CRB1: variants seen among roughly 807,000 people sequenced by gnomAD.
CRB1 encodes the protein protein crumbs homolog 1.
Under a neutral mutation model 120.0 loss-of-function variants are expected in CRB1, and 83 were observed. That is an observed-to-expected ratio of 0.69 (90% CI 0.58 to 0.83). CRB1 has a LOEUF of 0.83. Ranked by LOEUF, CRB1 falls within the 40% of genes least tolerant of loss-of-function variation. CRB1 has a pLI of 0.00. For missense variants in CRB1, 1,699 were observed against 1,687.6 expected, an observed-to-expected ratio of 1.01 and a Z score of -0.12; for synonymous variants, 625 against 612.5, an observed-to-expected ratio of 1.02 and a Z score of -0.30.
At chr1:197,350,858 G>T (rs1660054267) in intron 4 of CRB1, among the ~76,000 whole-genome samples, 1 of 152,146 alleles carries the variant, frequency 6.6e-6, no homozygotes, top group African/African-American at 2.4e-5. Context: ...ACAGGATGGA[G>T]CTGTTTCAGA....
the CRB1 span, among the ~76,000 whole-genome samples, chr1:197,217,545 G>A: frequency 1.3e-5 from 2 of 152,178 alleles, no homozygotes; most frequent in Non-Finnish European, 2.9e-5. Flanking sequence ...TTGGAAACAT[G>A]CTAAGAGAAA....
At chr1:197,416,471 G>T (rs571066041) in intron 5 of CRB1, among the ~76,000 whole-genome samples, 1 of 151,964 alleles carries the variant, frequency 6.6e-6, no homozygotes, top group Non-Finnish European at 1.5e-5. Context: ...ATACATTCAG[G>T]CTAGGTCTAC....
At chr1:197,371,079 T>C (rs1339309054) in intron 5 of CRB1, among the ~76,000 whole-genome samples, 1 of 152,210 alleles carries the variant, frequency 6.6e-6, no homozygotes, top group African/African-American at 2.4e-5. Flanking sequence ...ACTTTTTCCG[T>C]TGAGCCTAGT....
At chr1:197,369,529 G>T (rs936844385) in intron 5 of CRB1, among the ~76,000 whole-genome samples, 2 of 151,418 alleles carry the variant, frequency 1.3e-5, no homozygotes, top group Non-Finnish European at 2.9e-5. Context: ...ACCTGCCATT[G>T]GCAAAAAAAA....
the CRB1 span, among the ~76,000 whole-genome samples, chr1:197,260,992 G>T: frequency 2.0e-5 from 3 of 152,144 alleles, no homozygotes; most frequent in Non-Finnish European, 2.9e-5. Context: ...ACCGCGCCCG[G>T]CCTCTAAATA....
chr1:197,266,655 A>G (rs528366960), upstream of CRB1, among the ~76,000 whole-genome samples: 5 of 152,044 alleles, frequency 3.3e-5, no homozygotes, highest in East Asian at 9.7e-4. Flanking sequence ...TTATATTCAA[A>G]CCCCATGTAT....
chr1:197,421,178 T>C lies in CRB1; in HGVS notation c.1350T>C (p.Cys450=), dbSNP rs1199282651. The change falls in exon 6 of 12, where the codon TGT becomes TGC. Residue 450 remains cysteine, a synonymous_variant. Transcript: ENST00000367400. Reference sequence around the variant, plus strand: ...TCCTGGGCTGTACCCATCAGCAATGTCTAAATAATGGAACATGCATCCCTC... The same window carrying C: ...TCCTGGGCTGTACCCATCAGCAATGCCTAAATAATGGAACATGCATCCCTC... ...DILLGCTHQQ[C]LNNGTCIPHF... 1.8e-5 allele frequency: 29 copies of C among 1,614,032 alleles called. No individual in the cohort carries two copies. The highest frequency in any genetic ancestry group is 2.4e-5 in the Non-Finnish European group (28 of 1,180,030).
chr1:197,361,880 GT>G (rs1660788324), intron 5 of CRB1, among the ~76,000 whole-genome samples: 1 of 151,302 alleles, frequency 6.6e-6, no homozygotes, highest in Non-Finnish European at 1.5e-5. Context: ...TTTATTTTCT[GT>G]TTTTTAAATT....
intron 1 of CRB1, among the ~76,000 whole-genome samples, chr1:197,295,974 A>T (rs958816187): frequency 6.1e-5 from 5 of 81,532 alleles, no homozygotes; most frequent in South Asian, 4.2e-4. Flanking sequence ...TCTAAGATTT[A>T]AAAAAAAATT....
chr1:197,430,821 T>C (rs931461955), intron 8 of CRB1, among the ~76,000 whole-genome samples: 1 of 152,142 alleles, frequency 6.6e-6, no homozygotes, highest in African/African-American at 2.4e-5. Flanking sequence ...ATTTGTAAAA[T>C]AAATAAATTG....
At position 197,344,260 on chromosome 1, in the gene CRB1, CT is replaced by C; in HGVS notation, c.653-20del. 6.2e-7 allele frequency: 1 copy of C among 1,612,912 alleles called. No homozygotes were observed. Among genetic ancestry groups the C allele is most frequent in the Non-Finnish European group, 8.5e-7 (1 of 1,178,894 alleles). On this transcript the variant is annotated intron_variant, in intron 2 of 11. Coordinates refer to ENST00000367400, the MANE Select transcript of CRB1 (RefSeq NM_201253.3). ...TTTGCTAAAACTTTTTCTGTTTTTT[CT>C]GTGCTGACTTTTTTAAAAGGTGTAA...
chr1:197,410,353 T>G (rs561386749), intron 5 of CRB1, among the ~76,000 whole-genome samples: 1 of 152,350 alleles, frequency 6.6e-6, no homozygotes, highest in South Asian at 2.1e-4. Context: ...TCGTTCTTGA[T>G]TATGTTCTGC....
At chr1:197,404,994 C>T (rs1477570826) in intron 5 of CRB1, among the ~76,000 whole-genome samples, 1 of 152,148 alleles carries the variant, frequency 6.6e-6, no homozygotes, top group African/African-American at 2.4e-5. Context: ...GTGAGCTGCA[C>T]ACCATACCTA....
rs543788852 is a variant in CRB1 at position 197,349,896 on chromosome 1, C to A, written c.988+2417C>A. 2.6e-3 allele frequency among the ~76,000 whole-genome samples: 394 copies of A among 151,584 alleles called. 4 individuals carry two copies. Among genetic ancestry groups the A allele is most frequent in the African/African-American group, 9.1e-3 (374 of 41,262 alleles). ...CGGGTGGATCATGAGGTCAGGAGAT[C>A]GAGACCATCCTGGCTAACAAGGTGA... On this transcript the variant is annotated intron_variant, in intron 4 of 11. Coordinates refer to ENST00000367400, the MANE Select transcript of CRB1 (RefSeq NM_201253.3).
chr1:197,211,432 G>A, the CRB1 span, among the ~76,000 whole-genome samples: 3 of 152,150 alleles, frequency 2.0e-5, no homozygotes, highest in African/African-American at 7.2e-5. Flanking sequence ...CTGAAGTCTG[G>A]GAAGTCCAAG....
At chr1:197,428,677 G>A (rs1327894844) in intron 7 of CRB1, among the ~76,000 whole-genome samples, 1 of 152,140 alleles carries the variant, frequency 6.6e-6, no homozygotes, top group Non-Finnish European at 1.5e-5. Flanking sequence ...TTGTAACATA[G>A]TTATGGAACA....
chr1:197,278,329 C>T (rs1381582896), intron 1 of CRB1, among the ~76,000 whole-genome samples: 1 of 151,830 alleles, frequency 6.6e-6, no homozygotes, highest in Non-Finnish European at 1.5e-5. Flanking sequence ...TGGACAGACC[C>T]CATATCTACT....
At chr1:197,241,556 C>G in the CRB1 span, among the ~76,000 whole-genome samples, 1 of 152,106 alleles carries the variant, frequency 6.6e-6, no homozygotes, top group African/African-American at 2.4e-5. Context: ...TTCCATTGGT[C>G]TATATATCTG....
chr1:197,279,567 G>T, intron 1 of CRB1, among the ~76,000 whole-genome samples: 1 of 142,790 alleles, frequency 7.0e-6, no homozygotes. Flanking sequence ...ACCCCTCTAT[G>T]GAGCAACTGA....
Sources: allele counts gnomAD v4.1 joint callset (sites outside exome capture counted in the v4.1 genomes callset), GRCh38; gene constraint gnomAD v4.1.1; transcripts MANE v1.5; gene names NCBI Gene and HGNC (gene_info 2026-07-23, HGNC 2026-07-21).